The following ROBO1 variants were observed in gnomAD, a reference collection of about 807,000 sequenced individuals.
The protein encoded by ROBO1 is roundabout homolog 1.
Under a neutral mutation model 195.9 loss-of-function variants are expected in ROBO1, and 149 were observed. The observed-to-expected ratio is 0.76, with a 90% CI of 0.67 to 0.87. The LOEUF (loss-of-function observed/expected upper bound fraction) is 0.87, where lower values mean the gene tolerates loss of function less well. Ranked by LOEUF, ROBO1 falls within the 40% of genes least tolerant of loss-of-function variation. The probability of loss-of-function intolerance (pLI) is 0.00; values close to 1 mark genes in which losing one functional copy is unlikely to be tolerated. For synonymous variants in ROBO1, 816 were observed against 733.2 expected, an observed-to-expected ratio of 1.11 and a Z score of -1.82; for missense variants, 1,933 against 2,068.3, an observed-to-expected ratio of 0.93 and a Z score of 1.27.
chr3:79,000,603 T>G (rs2077479231), intron 3 of ROBO1, among the ~76,000 whole-genome samples: 1 of 152,112 alleles, frequency 6.6e-6, no homozygotes, highest in Non-Finnish European at 1.5e-5. Context: ...AGAATGGCGA[T>G]CATTAAAAAG....
chr3:79,390,548 G>A (rs1462772440), intron 2 of ROBO1, among the ~76,000 whole-genome samples: 1 of 152,174 alleles, frequency 6.6e-6, no homozygotes, highest in East Asian at 1.9e-4. Context: ...GTGACGTCAT[G>A]GAAGCCAAGA....
At chr3:78,817,591 C>T (rs990473751) in intron 4 of ROBO1, among the ~76,000 whole-genome samples, 2 of 151,902 alleles carry the variant, frequency 1.3e-5, no homozygotes, top group Admixed American at 6.6e-5. Context: ...AAAGTCATTT[C>T]ATATAATTCA....
chr3:79,399,176 G>A (rs1285040563), intron 2 of ROBO1, among the ~76,000 whole-genome samples: 1 of 152,122 alleles, frequency 6.6e-6, no homozygotes, highest in East Asian at 1.9e-4. Context: ...AATGTGAGAA[G>A]TCATAAGTCT....
At chr3:79,021,812 C>T (rs1016094584) in intron 3 of ROBO1, among the ~76,000 whole-genome samples, 5 of 152,088 alleles carry the variant, frequency 3.3e-5, no homozygotes, top group Admixed American at 6.6e-5. Context: ...AGGCGCCCGC[C>T]ACCACTCCCG....
chr3:79,463,847 T>C (rs1275188554), intron 2 of ROBO1, among the ~76,000 whole-genome samples: 1 of 152,226 alleles, frequency 6.6e-6, no homozygotes, highest in Admixed American at 6.5e-5. Flanking sequence ...TTATATTAAA[T>C]AATTGAACAA....
intron 2 of ROBO1, among the ~76,000 whole-genome samples, chr3:79,177,575 GACA>G (rs2081279195): frequency 6.6e-6 from 1 of 152,162 alleles, no homozygotes; most frequent in African/African-American, 2.4e-5. Context: ...TGGACTGAAG[GACA>G]ACATTACAGA....
chr3:79,441,746 G>T (rs961836009), intron 2 of ROBO1, among the ~76,000 whole-genome samples: 4 of 152,102 alleles, frequency 2.6e-5, no homozygotes, highest in African/African-American at 9.7e-5. Flanking sequence ...TCTAGAGTCT[G>T]CAGAGTGTTA....
intron 3 of ROBO1, among the ~76,000 whole-genome samples, chr3:79,025,304 C>T (rs2078182452): frequency 6.6e-6 from 1 of 152,146 alleles, no homozygotes; most frequent in Non-Finnish European, 1.5e-5. Flanking sequence ...TACATTCGCA[C>T]GCAATACTTC....
chr3:79,061,430 G>C (rs2108403654), intron 3 of ROBO1, among the ~76,000 whole-genome samples: 1 of 152,090 alleles, frequency 6.6e-6, no homozygotes, highest in Non-Finnish European at 1.5e-5. Context: ...TACTTCCCAA[G>C]GTAATTTATA....
Position 79,742,774 on chromosome 3 carries a change from T to C in ROBO1, c.-51+24978A>G, listed in dbSNP as rs143345436. Among the ~76,000 whole-genome samples the C allele has an allele frequency of 5.4e-3, 816 of 152,292 alleles. 4 individuals are homozygous for C. Among genetic ancestry groups the C allele is most frequent in the African/African-American group, 0.019 (783 of 41,568 alleles). ...TGATTTCCCTGGTAATTCCTTTTCT[T>C]ATTATTATTGTGACATTAGCAGTTC... On this transcript the variant is annotated intron_variant, in intron 1 of 30. Coordinates refer to ENST00000464233, the MANE Select transcript of ROBO1 (RefSeq NM_002941.4).
rs1233380821 is a variant in ROBO1, at chr3:78,631,097, T to C, written c.3626+64A>G. ...TTCTCTTGACCACCTAGTATAATAA[T>C]TGCTGAAAATGGGCTGAAACAATCA... is the stretch of plus-strand genomic sequence containing the variant. On this transcript the variant is annotated intron_variant, in intron 25 of 30. Transcript: ENST00000464233. 13 of 1,520,004 alleles carry C rather than the reference T, an allele frequency of 8.6e-6. No individual in the cohort carries two copies. In the African/African-American group the frequency reaches 1.4e-4, roughly 16 times the overall value. The allele number at this position is 1,520,004 out of a possible 1,614,324, so 94.2% of individuals were successfully genotyped here. A position where few individuals can be genotyped will look rare whatever the true frequency, so the allele number is the denominator to read the frequency against.
chr3:79,253,043 T>C (rs1212675642), intron 2 of ROBO1, among the ~76,000 whole-genome samples: 1 of 152,156 alleles, frequency 6.6e-6, no homozygotes, highest in Non-Finnish European at 1.5e-5. Context: ...CTTTTTAATA[T>C]GAAAAATACA....
At chr3:79,082,869 G>A (rs1460737086) in intron 3 of ROBO1, among the ~76,000 whole-genome samples, 2 of 152,068 alleles carry the variant, frequency 1.3e-5, no homozygotes, top group African/African-American at 4.8e-5. Context: ...ATGGTGTGGA[G>A]GGAGGCAGGT....
chr3:79,411,374 C>T lies in ROBO1; in HGVS notation c.88+178450G>A, dbSNP rs961572608. 9.2e-5 allele frequency among the ~76,000 whole-genome samples: 14 copies of T among 152,070 alleles called. 1 individual carries two copies. On this transcript the variant is annotated intron_variant, in intron 2 of 30. Coordinates refer to ENST00000464233, the MANE Select transcript of ROBO1 (RefSeq NM_002941.4). ...ATCAAATTGTGGAGGTATTGCATTT[C>T]CATACAAAGTGAATAAACAAGTTAG...
At chr3:78,767,963 G>C (rs1195533882) in intron 4 of ROBO1, among the ~76,000 whole-genome samples, 1 of 151,786 alleles carries the variant, frequency 6.6e-6, no homozygotes, top group Non-Finnish European at 1.5e-5. Flanking sequence ...TCTTCTGCTG[G>C]GTTTGGGTTT....
intron 2 of ROBO1, among the ~76,000 whole-genome samples, chr3:79,228,240 T>C (rs921928537): frequency 2.0e-5 from 3 of 152,126 alleles, no homozygotes; most frequent in African/African-American, 7.2e-5. Context: ...GAGAGAGATA[T>C]AGTTCAATTC....
At chr3:78,718,057 C>T (rs1229788637) in intron 5 of ROBO1, among the ~76,000 whole-genome samples, 174 bp from the exon 6 acceptor site, 4 of 152,186 alleles carry the variant, frequency 2.6e-5, no homozygotes, top group Non-Finnish European at 4.4e-5. Flanking sequence ...AGAGAATTGA[C>T]TCCAAAGGTA....
chr3:78,673,911 C>G (rs1018874496), intron 10 of ROBO1, among the ~76,000 whole-genome samples: 2 of 151,810 alleles, frequency 1.3e-5, no homozygotes, highest in African/African-American at 4.8e-5. Context: ...AATATTGTAT[C>G]TTGGAAATTA....
At chr3:79,155,923 A>C (rs1231488903) in intron 2 of ROBO1, among the ~76,000 whole-genome samples, 2 of 151,828 alleles carry the variant, frequency 1.3e-5, no homozygotes, top group Admixed American at 6.6e-5. Flanking sequence ...ACTGTGCTCC[A>C]AGAATTAACA....
Sources: gnomAD v4.1 joint callset for allele counts (sites outside exome capture counted in the v4.1 genomes callset) on GRCh38, gnomAD v4.1.1 for gene constraint, MANE v1.5 for transcripts, NCBI Gene and HGNC (gene_info 2026-07-23, HGNC 2026-07-21) for gene names.